The following OCA2 variants were observed in gnomAD, a reference collection of about 807,000 sequenced individuals.
OCA2 encodes P protein.
A neutral mutation model predicts 100.2 loss-of-function variants in OCA2; 77 were observed. The observed-to-expected ratio is 0.77, with a 90% confidence interval of 0.64 to 0.93. The LOEUF (loss-of-function observed/expected upper bound fraction) is 0.93. Among genes scored for constraint, OCA2 ranks in the 40% least tolerant of loss-of-function variants. OCA2 has a pLI of 0.00. For missense variants in OCA2, 1,062 were observed against 1,089.1 expected (o/e 0.98, Z 0.35); for synonymous variants, 432 against 439.2 (o/e 0.98, Z 0.21).
chr15:27,837,339 A>G (rs975109063), intron 23 of OCA2, among the ~76,000 whole-genome samples: 1 of 152,228 alleles, frequency 6.6e-6, no homozygotes, highest in Non-Finnish European at 1.5e-5. Flanking sequence ...ACCCAATGCC[A>G]CATCACTGCA....
intron 23 of OCA2, among the ~76,000 whole-genome samples, chr15:27,793,818 T>C (rs1255744758): frequency 6.6e-6 from 1 of 152,210 alleles, no homozygotes; most frequent in East Asian, 1.9e-4. Context: ...CTTTTCCTTA[T>C]TCACAATGCT....
rs530950948 is a variant in OCA2 at position 27,957,340 on chromosome 15, C to T, written c.1784+248G>A. The stretch of plus-strand genomic sequence containing the variant: ...CCAGTGCCACTCCTTCCGAGCTGCA[C>T]AACCCTGGGCACGCCGCTCAAATTC... On this transcript the variant is annotated intron_variant, in intron 16 of 23. Coordinates refer to ENST00000354638, the MANE Select transcript of OCA2 (RefSeq NM_000275.3). This position sits in a 1 kb window ranked among gnomAD's most constrained non-coding sequence, Gnocchi z 4.3. 6.6e-5 allele frequency among the ~76,000 whole-genome samples: 10 copies of T among 152,306 alleles called. No individual in the cohort carries two copies. The highest frequency in any genetic ancestry group is 2.2e-4 in the African/African-American group (9 of 41,572).
intron 23 of OCA2, 88 bp from the exon 24 acceptor site, chr15:27,755,560 T>G (rs1026578659): frequency 2.5e-5 from 25 of 1,016,186 alleles, no homozygotes; most frequent in Non-Finnish European, 3.6e-5. Flanking sequence ...AACATGGCCT[T>G]AGCACCTTTG....
chr15:27,841,579 T>C (rs1323026347), intron 23 of OCA2, among the ~76,000 whole-genome samples: 1 of 152,226 alleles, frequency 6.6e-6, no homozygotes, highest in East Asian at 1.9e-4. Flanking sequence ...CTAAAGTTTA[T>C]CCATTTTGAC....
intron 3 of OCA2, among the ~76,000 whole-genome samples, 176 bp from the exon 4 acceptor site, chr15:28,028,235 G>A (rs1185870783): frequency 6.6e-6 from 1 of 152,202 alleles, no homozygotes; most frequent in African/African-American, 2.4e-5. Flanking sequence ...TGACCTCTCA[G>A]AACACTTAGG....
At chr15:27,726,126 G>A in the OCA2 span, among the ~76,000 whole-genome samples, 1 of 151,770 alleles carries the variant, frequency 6.6e-6, no homozygotes, top group African/African-American at 2.4e-5. Flanking sequence ...GTGAAACCCT[G>A]TCTATACCAA....
At chr15:28,083,086 G>T (rs1473412593) in intron 1 of OCA2, among the ~76,000 whole-genome samples, 1 of 152,168 alleles carries the variant, frequency 6.6e-6, no homozygotes, top group Non-Finnish European at 1.5e-5. Flanking sequence ...GCACGTGCTG[G>T]GGCTGGAGTT....
At chr15:27,753,534 C>T (rs557798378), downstream of OCA2, among the ~76,000 whole-genome samples, 1 of 151,996 alleles carries the variant, frequency 6.6e-6, no homozygotes, top group South Asian at 2.1e-4. Context: ...GAGATCGAGA[C>T]CATCCTGGCT....
At chr15:27,958,433 G>A (rs1269105602) in intron 15 of OCA2, among the ~76,000 whole-genome samples, 2 of 152,158 alleles carry the variant, frequency 1.3e-5, no homozygotes, top group East Asian at 3.9e-4. Context: ...TCAGGAGAAG[G>A]TGCTCAGCGC....
Position 27,827,506 on chromosome 15 carries a change from A to G in OCA2, c.2432+17453T>C, listed in dbSNP as rs2034778202. Among the ~76,000 whole-genome samples the G allele has an allele frequency of 2.0e-5, 3 of 152,260 alleles. No homozygotes were observed. In the South Asian group the frequency reaches 6.2e-4, roughly 32 times the overall value. On this transcript the variant is annotated intron_variant, in intron 23 of 23. Transcript: ENST00000354638. ...AGCCAAATCCAATGTGCAAGTCATCATACTATTGGGTATTTTATTTGTTCC... is the reference window on the plus strand; with the variant it reads ...AGCCAAATCCAATGTGCAAGTCATCGTACTATTGGGTATTTTATTTGTTCC...
chr15:27,893,586 G>C (rs537879738), intron 19 of OCA2, among the ~76,000 whole-genome samples: 1 of 152,228 alleles, frequency 6.6e-6, no homozygotes, highest in Admixed American at 6.5e-5. Context: ...GCATTCCTGG[G>C]GGGAGGTCTA....
chr15:27,776,984 T>TGGGGGGGGGGGGGGGGG (rs2032268865), intron 23 of OCA2, among the ~76,000 whole-genome samples: 8 of 61,504 alleles, frequency 1.3e-4, no homozygotes, highest in African/African-American at 1.8e-4. Flanking sequence ...TGGGGGGGGG[T>TGGGGGGGGGGGGGGGGG]GGGGGGAGTG....
chr15:27,882,397 T>C (rs1206874856), intron 19 of OCA2, among the ~76,000 whole-genome samples: 1 of 152,242 alleles, frequency 6.6e-6, no homozygotes, highest in Non-Finnish European at 1.5e-5. Context: ...CTAACCTTTG[T>C]ATTAGATTTT....
Position 27,775,063 on chromosome 15 carries a change from C to CGTGTGTGTGTGT in OCA2, c.2433-19603_2433-19592dup, listed in dbSNP as rs66465683. Among the ~76,000 whole-genome samples the CGTGTGTGTGTGT allele has an allele frequency of 6.0e-3, 860 of 143,024 alleles. 4 individuals carry two copies. Among genetic ancestry groups the CGTGTGTGTGTGT allele is most frequent in the Non-Finnish European group, 0.011 (688 of 65,288 alleles). 93.8% of individuals were successfully genotyped at this position (143,024 alleles called of 152,430 possible). A position where few individuals can be genotyped will look rare whatever the true frequency, so the allele number is the denominator to read the frequency against. The stretch of plus-strand genomic sequence containing the variant: ...CTTGCTCAAAGGAGTTTTTAGAACT[C>CGTGTGTGTGTGT]GTGTGTGTGTGTGTGTGTGTGTGTG... On this transcript the variant is annotated intron_variant, in intron 23 of 23. Transcript: ENST00000354638.
At chr15:27,996,241 G>A (rs2041723007) in intron 9 of OCA2, among the ~76,000 whole-genome samples, 1 of 152,142 alleles carries the variant, frequency 6.6e-6, no homozygotes, top group Non-Finnish European at 1.5e-5. Context: ...AGTTTTAGGA[G>A]GGAAGTTTAT....
the OCA2 span, among the ~76,000 whole-genome samples, chr15:27,741,509 T>C: frequency 2.0e-5 from 3 of 152,200 alleles, no homozygotes; most frequent in Admixed American, 6.5e-5. Context: ...TGAGAAAGGA[T>C]GGGTCTGCAT....
chr15:27,882,880 T>A (rs2037077724), intron 19 of OCA2, among the ~76,000 whole-genome samples: 1 of 152,182 alleles, frequency 6.6e-6, no homozygotes, highest in Non-Finnish European at 1.5e-5. Context: ...AGCCTTGCCA[T>A]CTTGCTTCAT....
chr15:27,932,987 A>G (rs941916157), intron 18 of OCA2, among the ~76,000 whole-genome samples: 5 of 150,558 alleles, frequency 3.3e-5, no homozygotes, highest in Non-Finnish European at 1.5e-5. Flanking sequence ...GAAAAAAAAA[A>G]CAGGCTAATG....
chr15:28,016,089 T>G lies in OCA2; in HGVS notation c.890+15A>C. The stretch of plus-strand genomic sequence containing the variant: ...CAGAGAGCCTGCCCCAACACCTCAC[T>G]CACTGAGAACTCACCTGGTCAGTAC... On this transcript the variant is annotated intron_variant, in intron 8 of 23. Transcript: ENST00000354638. 6.2e-7 allele frequency: 1 copy of G among 1,610,054 alleles called. No individual in the cohort carries two copies. Among genetic ancestry groups the G allele is most frequent in the Non-Finnish European group, 8.5e-7 (1 of 1,176,304 alleles).
Sources: gnomAD v4.1 joint callset for allele counts (sites outside exome capture counted in the v4.1 genomes callset) on GRCh38, gnomAD v4.1.1 for gene constraint, Gnocchi (gnomAD v3.1) non-coding constraint, MANE v1.5 for transcripts, NCBI Gene and HGNC (gene_info 2026-07-23, HGNC 2026-07-21) for gene names.